MINDY4: variants seen among roughly 807,000 people sequenced by gnomAD.
The protein encoded by MINDY4 is MINDY lysine 48 deubiquitinase 4, also known as probable ubiquitin carboxyl-terminal hydrolase MINDY-4.
A neutral mutation model predicts 87.0 loss-of-function variants in MINDY4; 68 were observed. That is an observed-to-expected ratio of 0.78 (90% CI 0.64 to 0.96). The LOEUF (loss-of-function observed/expected upper bound fraction) is 0.96, where lower values mean the gene tolerates loss of function less well. MINDY4 is among the 40% of genes least tolerant of loss of function. The pLI is 0.00. For missense variants in MINDY4, 919 were observed against 928.2 expected (o/e 0.99, Z 0.13); for synonymous variants, 379 against 363.2 (o/e 1.04, Z -0.50).
At chr7:30,812,964 A>G (rs1451933317) in intron 5 of MINDY4, among the ~76,000 whole-genome samples, 2 of 152,200 alleles carry the variant, frequency 1.3e-5, no homozygotes, top group African/African-American at 4.8e-5. Flanking sequence ...ACCTTTGGTC[A>G]GCGCTCTTCC....
At chr7:30,790,691 C>T (rs1436179421) in intron 4 of MINDY4, among the ~76,000 whole-genome samples, 3 of 152,132 alleles carry the variant, frequency 2.0e-5, no homozygotes, top group East Asian at 1.9e-4. Context: ...GTGATACACC[C>T]GCCTTGGCCT....
At chr7:30,844,237 C>T (rs768363899) in intron 9 of MINDY4, among the ~76,000 whole-genome samples, 7 of 152,154 alleles carry the variant, frequency 4.6e-5, no homozygotes, top group African/African-American at 1.7e-4. Flanking sequence ...TCTTCAGACT[C>T]CCCTGAGAGG....
intron 14 of MINDY4, among the ~76,000 whole-genome samples, chr7:30,874,562 C>T (rs540654619): frequency 1.1e-4 from 16 of 152,302 alleles, no homozygotes; most frequent in South Asian, 8.3e-4. Context: ...TTGCTCCACA[C>T]GTCACTTTCT....
rs558086479 is a variant in MINDY4 at position 30,872,855 on chromosome 7, A to T, written c.1809+549A>T. On this transcript the variant is annotated intron_variant, in intron 14 of 17. Coordinates refer to ENST00000265299, the MANE Select transcript of MINDY4 (RefSeq NM_032222.3). The stretch of plus-strand genomic sequence containing the variant: ...ACACCAGGGAAGGGACCTTTTCAAG[A>T]TGTTACCTAGTGAGCATCAAAACTG... Among the ~76,000 whole-genome samples the T allele has an allele frequency of 1.1e-4, 17 of 152,294 alleles. No homozygotes were observed. In the East Asian group the frequency reaches 3.1e-3, roughly 28 times the overall value.
intron 1 of MINDY4, among the ~76,000 whole-genome samples, chr7:30,776,613 AG>A (rs1219329887): frequency 6.6e-6 from 1 of 152,198 alleles, no homozygotes; most frequent in Non-Finnish European, 1.5e-5. Flanking sequence ...CTTACGGACT[AG>A]TGGTCTGTTC....
chr7:30,771,515 G>A lies in MINDY4; in HGVS notation c.22G>A (p.Glu8Lys), dbSNP rs1317887651. Residue 8 changes from glutamate to lysine, a missense_variant, in exon 1 of 18, where the codon GAG (glutamate) becomes AAG (lysine). Transcript: ENST00000265299. ...AGCCATGGACAGCCTCTTCGTGGAG[G>A]AGGTGGCCGCCTCCTTGGTCAGGGA... MDSLFVE[E>K]VAASLVREFL... The A allele has an allele frequency of 1.9e-6, 3 of 1,605,838 alleles. No homozygotes were observed. Among genetic ancestry groups the A allele is most frequent in the South Asian group, 2.3e-5 (2 of 88,530 alleles).
chr7:30,859,160 G>T, intron 12 of MINDY4, 97 bp from the exon 13 acceptor site: 2 of 1,248,840 alleles, frequency 1.6e-6, no homozygotes, highest in Non-Finnish European at 2.3e-6. Context: ...TTGGCTCAGG[G>T]CAGGCTGCTC....
In MINDY4 at chr7:30,875,593, A is replaced by G; in HGVS notation, c.1908A>G (p.Arg636=). 1 of 1,614,152 alleles carries G rather than the reference A, an allele frequency of 6.2e-7. No individual in the cohort carries two copies. Residue 636 remains arginine (R), a synonymous_variant, in exon 15 of 18, where the codon AGA becomes AGG. Transcript: ENST00000265299. ...DSGDGNITLL[R]GIAARSDIGF... is the part of the protein sequence containing the mutation. The stretch of plus-strand genomic sequence containing the variant: ...GGGATGGGAACATCACACTTCTCAG[A>G]GGCATTGCTGCACGCAGTGATATTG...
At chr7:30,825,923 G>T (rs1788484905) in intron 5 of MINDY4, among the ~76,000 whole-genome samples, 1 of 152,158 alleles carries the variant, frequency 6.6e-6, no homozygotes, top group East Asian at 1.9e-4. Flanking sequence ...GTGTTGAAAG[G>T]GCTGGTTGTT....
At chr7:30,890,053 C>T (rs1462710881) in intron 17 of MINDY4, among the ~76,000 whole-genome samples, 7 of 152,220 alleles carry the variant, frequency 4.6e-5, no homozygotes, top group Non-Finnish European at 8.8e-5. Context: ...GCCATACAAC[C>T]TGATTTTGGG....
chr7:30,843,323 G>A (rs762305618), intron 9 of MINDY4, among the ~76,000 whole-genome samples: 5 of 152,242 alleles, frequency 3.3e-5, no homozygotes, highest in Non-Finnish European at 7.3e-5. Context: ...TTTGGAGGAG[G>A]AGGGTGGGAG....
At position 30,836,732 on chromosome 7, in the gene MINDY4, G is replaced by A; in HGVS notation, c.1207G>A (p.Ala403Thr). The change falls in exon 7 of 18, where the codon GCA becomes ACA. Residue 403 changes from alanine to threonine, a missense_variant. Coordinates refer to ENST00000265299, the MANE Select transcript of MINDY4 (RefSeq NM_032222.3). ...CCCATCAGTGCTCAAGTTGCAGACA[G>A]CATCAAAACCAATTGACCTCTCAGT... ...PVPSVLKLQT[A>T]SKPIDLSVAK... The A allele has an allele frequency of 1.9e-6, 3 of 1,614,166 alleles. No individual in the cohort carries two copies. Among genetic ancestry groups the A allele is most frequent in the Non-Finnish European group, 2.5e-6 (3 of 1,179,994 alleles).
At chr7:30,790,062 G>T (rs765916497) in intron 4 of MINDY4, among the ~76,000 whole-genome samples, 1 of 152,154 alleles carries the variant, frequency 6.6e-6, no homozygotes, top group Non-Finnish European at 1.5e-5. Flanking sequence ...GGGCAAATAC[G>T]CATAGGAGTA....
intron 13 of MINDY4, among the ~76,000 whole-genome samples, chr7:30,863,858 A>C (rs536232687): frequency 6.6e-6 from 1 of 152,210 alleles, no homozygotes; most frequent in South Asian, 2.1e-4. Flanking sequence ...AATCTCATGC[A>C]GGATTTCATG....
chr7:30,797,769 G>A (rs1341572355), intron 5 of MINDY4, among the ~76,000 whole-genome samples: 2 of 152,162 alleles, frequency 1.3e-5, no homozygotes, highest in East Asian at 3.8e-4. Flanking sequence ...TTCAAGTGTG[G>A]AAGGAGGAAG....
chr7:30,782,080 C>G lies in MINDY4; in HGVS notation c.287C>G (p.Pro96Arg). ...AATTTCACTCAAGATACCCCAATCC[C>G]TGCACTCTCAGTTCCAAAGAAAAAT... ...ANNFTQDTPI[P>R]ALSVPKKNNK... Residue 96 changes from proline (P) to arginine (R), a missense_variant, in exon 3 of 18, where the codon CCT becomes CGT. Pro to Arg is a moderately radical substitution (Grantham distance 103). Coordinates refer to ENST00000265299, the MANE Select transcript of MINDY4 (RefSeq NM_032222.3). 2 of 1,614,156 alleles carry G rather than the reference C, an allele frequency of 1.2e-6. No homozygotes were observed. The highest frequency in any genetic ancestry group is 1.7e-6 in the Non-Finnish European group (2 of 1,180,016).
chr7:30,885,472 A>G (rs1175607582), intron 17 of MINDY4, among the ~76,000 whole-genome samples: 2 of 152,170 alleles, frequency 1.3e-5, no homozygotes, highest in African/African-American at 2.4e-5. Flanking sequence ...AGATCATGCC[A>G]TTGCACGCCA....
intron 15 of MINDY4, among the ~76,000 whole-genome samples, chr7:30,881,044 T>G (rs1470702771): frequency 6.6e-6 from 1 of 152,150 alleles, no homozygotes; most frequent in East Asian, 1.9e-4. Context: ...TCCCATTCTT[T>G]CTTTAATCCA....
chr7:30,847,547 TATCTG>T (rs1358221791), intron 9 of MINDY4, among the ~76,000 whole-genome samples: 11 of 151,084 alleles, frequency 7.3e-5, no homozygotes, highest in African/African-American at 2.5e-4. Context: ...TTTTACTAAC[TATCTG>T]ATCTGAGTAA....
Sources: gnomAD v4.1 joint callset for allele counts (sites outside exome capture counted in the v4.1 genomes callset) on GRCh38, gnomAD v4.1.1 for gene constraint, MANE v1.5 for transcripts, NCBI Gene and HGNC (gene_info 2026-07-23, HGNC 2026-07-21) for gene names.